NDE1: variants seen among roughly 807,000 people sequenced by gnomAD.
NDE1 encodes nuclear distribution protein nudE homolog 1.
Under a neutral mutation model 43.4 loss-of-function variants are expected in NDE1, and 28 were observed. That is an observed-to-expected ratio of 0.65 (90% confidence interval 0.48 to 0.89). The LOEUF (loss-of-function observed/expected upper bound fraction) is 0.89. Ranked by LOEUF, NDE1 falls within the 40% of genes least tolerant of loss-of-function variation. The pLI is 0.00. For synonymous variants in NDE1, 184 were observed against 172.0 expected, an observed-to-expected ratio of 1.07 and a Z score of -0.55; for missense variants, 441 against 434.1, an observed-to-expected ratio of 1.02 and a Z score of -0.14.
intron 5 of NDE1, among the ~76,000 whole-genome samples, chr16:15,688,392 T>C (rs1274147093): frequency 6.6e-6 from 1 of 151,772 alleles, no homozygotes; most frequent in Non-Finnish European, 1.5e-5. Context: ...CCCAGCACTT[T>C]GGGAGGCTGA....
At chr16:15,681,864 C>T (rs1372484123) in intron 4 of NDE1, among the ~76,000 whole-genome samples, 2 of 152,120 alleles carry the variant, frequency 1.3e-5, no homozygotes, top group African/African-American at 4.8e-5. Context: ...CAGGCGCCCA[C>T]TGCCACGCCT....
At chr16:15,660,530 C>A (rs1323027339) in intron 1 of NDE1, among the ~76,000 whole-genome samples, 2 of 152,118 alleles carry the variant, frequency 1.3e-5, no homozygotes, top group African/African-American at 4.8e-5. Flanking sequence ...GTCCTGAGAG[C>A]CAAGGCCCCT....
chr16:15,667,751 C>T (rs938161151), intron 3 of NDE1, among the ~76,000 whole-genome samples: 3 of 151,284 alleles, frequency 2.0e-5, no homozygotes, highest in South Asian at 4.2e-4. Flanking sequence ...CCTGCCTCAG[C>T]CTCCTGAGTA....
intron 8 of NDE1, chr16:15,720,414 C>CT: frequency 6.8e-7 from 1 of 1,464,182 alleles, no homozygotes; most frequent in Non-Finnish European, 9.3e-7. Context: ...GCACAGCCCC[C>CT]TTGTGAGGTG....
intron 8 of NDE1, chr16:15,719,156 C>A: frequency 6.1e-6 from 9 of 1,477,500 alleles, no homozygotes; most frequent in South Asian, 5.7e-5. Context: ...AAATGGGGGT[C>A]GAGGATGCTG....
In NDE1 at chr16:15,696,561, G is replaced by A. The variant is rs755834409; in HGVS notation, c.796-148G>A. The stretch of plus-strand genomic sequence containing the variant: ...GCTTGGTTCTGAGACTGGCATATAC[G>A]TTGGATTCCTCTTGGGGTCCCACCT... On this transcript the variant is annotated intron_variant, in intron 7 of 8. Transcript: ENST00000396354. 7.9e-5 allele frequency: 113 copies of A among 1,436,896 alleles called. No individual in the cohort carries two copies. The East Asian group carries it at 1.4e-3, about 17-fold the overall frequency. 89.0% of individuals were successfully genotyped at this position (1,436,896 alleles called of 1,614,324 possible). A position where few individuals can be genotyped will look rare whatever the true frequency, so the allele number is the denominator to read the frequency against.
chr16:15,667,464 T>C (rs762118365), intron 3 of NDE1, 25 bp downstream of exon 3: 31 of 1,612,798 alleles, frequency 1.9e-5, no homozygotes, highest in Non-Finnish European at 2.5e-5. Flanking sequence ...GGAAGTGTGC[T>C]CAGGTGTAGA....
chr16:15,655,679 C>T (rs577578764), intron 1 of NDE1, among the ~76,000 whole-genome samples: 2 of 151,984 alleles, frequency 1.3e-5, no homozygotes, highest in Non-Finnish European at 2.9e-5. Flanking sequence ...CACATGCACA[C>T]GTATGTTTAT....
chr16:15,666,539 G>A (rs1461791437), intron 2 of NDE1, among the ~76,000 whole-genome samples: 1 of 152,130 alleles, frequency 6.6e-6, no homozygotes, highest in Non-Finnish European at 1.5e-5. Context: ...AGCCTGGGAG[G>A]TCGAGGCTGC....
chr16:15,707,959 CAAAA>C (rs59081092), intron 8 of NDE1, among the ~76,000 whole-genome samples: 1,435 of 115,942 alleles, frequency 0.012, 22 homozygotes, highest in African/African-American at 0.041. Flanking sequence ...GACTCCGTCT[CAAAA>C]AAAAAAAAAA....
intron 6 of NDE1, 38 bp downstream of exon 6, chr16:15,691,361 CAA>C (rs778099408): frequency 1.2e-6 from 2 of 1,604,374 alleles, no homozygotes; most frequent in Non-Finnish European, 1.7e-6. Context: ...TCTCGGTTCA[CAA>C]AGTGTTTCTG....
intron 5 of NDE1, among the ~76,000 whole-genome samples, chr16:15,689,382 C>G (rs1244240004): frequency 1.3e-5 from 2 of 152,082 alleles, no homozygotes; most frequent in Admixed American, 6.6e-5. Context: ...GTTCCAGCTA[C>G]TTAGGAGGCT....
At chr16:15,695,229 G>A (rs918245999) in intron 7 of NDE1, among the ~76,000 whole-genome samples, 2 of 94,166 alleles carry the variant, frequency 2.1e-5, no homozygotes, top group African/African-American at 4.7e-5. Flanking sequence ...TTTTTTTTTG[G>A]TTTGTTTCTT....
At chr16:15,721,389 CAT>C in intron 8 of NDE1, 1 of 1,610,664 alleles carries the variant, frequency 6.2e-7, no homozygotes. Flanking sequence ...GCAGGCGAAA[CAT>C]GGACGAGAAA....
At chr16:15,705,155 T>C (rs898016456) in intron 8 of NDE1, among the ~76,000 whole-genome samples, 19 of 152,192 alleles carry the variant, frequency 1.2e-4, no homozygotes, top group Non-Finnish European at 2.2e-4. Flanking sequence ...CTAATTTTTG[T>C]ATTTTTAGCA....
chr16:15,647,050 G>A (rs145646940), upstream of NDE1, among the ~76,000 whole-genome samples: 1,576 of 152,230 alleles, frequency 0.01, 35 homozygotes, highest in African/African-American at 0.035. Flanking sequence ...ACTCTGTCTC[G>A]AAATAAAATA....
chr16:15,666,176 G>C (rs1391371690), intron 2 of NDE1, among the ~76,000 whole-genome samples: 1 of 151,978 alleles, frequency 6.6e-6, no homozygotes, highest in Non-Finnish European at 1.5e-5. Flanking sequence ...AAGATTTTAA[G>C]ATTTGAAACT....
chr16:15,657,776 T>C (rs1322639594), intron 1 of NDE1, among the ~76,000 whole-genome samples: 1 of 151,388 alleles, frequency 6.6e-6, no homozygotes, highest in East Asian at 2.0e-4. Flanking sequence ...TTGTTTTTGT[T>C]TTTTTAGTAG....
Position 15,718,443 on chromosome 16 carries a change from G to A in NDE1, c.948-5748G>A, listed in dbSNP as rs574893374. 5.7e-4 allele frequency: 884 copies of A among 1,555,058 alleles called. 11 individuals are homozygous for A. In the South Asian group the frequency reaches 9.4e-3, roughly 17 times the overall value. Reference sequence around the variant, plus strand: ...TTCTCGTCCTGGAGTGCGTTCCTGGGGGAAGGGCGGCCATGGTGGGGGCCT... The same window carrying A: ...TTCTCGTCCTGGAGTGCGTTCCTGGAGGAAGGGCGGCCATGGTGGGGGCCT... On this transcript the variant is annotated intron_variant, in intron 8 of 8. Coordinates refer to ENST00000396354, the MANE Select transcript of NDE1 (RefSeq NM_017668.3).
Sources: allele counts gnomAD v4.1 joint callset (sites outside exome capture counted in the v4.1 genomes callset), GRCh38; gene constraint gnomAD v4.1.1; transcripts MANE v1.5; gene names NCBI Gene and HGNC (gene_info 2026-07-23, HGNC 2026-07-21).